TESMIN: variants seen among roughly 807,000 people sequenced by gnomAD.
The protein encoded by TESMIN is testis expressed metallothionein like protein, also known as CXC domain containing 2.
Under a neutral mutation model 47.4 loss-of-function variants are expected in TESMIN, and 34 were observed. The observed-to-expected ratio is 0.72, with a 90% confidence interval of 0.55 to 0.96. The LOEUF is 0.96. Among genes scored for constraint, TESMIN ranks in the 40% least tolerant of loss-of-function variants. The pLI, the probability that TESMIN is intolerant of heterozygous loss-of-function variation, is 0.00. For missense variants in TESMIN, 610 were observed against 637.2 expected, an observed-to-expected ratio of 0.96 and a Z score of 0.46; for synonymous variants, 278 against 258.9, an observed-to-expected ratio of 1.07 and a Z score of -0.71.
chr11:68,750,116 G>A (rs1177947584), intron 2 of TESMIN, 74 bp downstream of exon 2: 6 of 1,230,060 alleles, frequency 4.9e-6, no homozygotes, highest in Middle Eastern at 2.1e-4. Context: ...AAATCCTGGG[G>A]TACACTAGCA....
intron 6 of TESMIN, among the ~76,000 whole-genome samples, chr11:68,735,955 G>A (rs1946382324): frequency 6.6e-6 from 1 of 152,266 alleles, no homozygotes; most frequent in Non-Finnish European, 1.5e-5. Flanking sequence ...TCTGACTGCA[G>A]TGGACACTAA....
chr11:68,737,334 G>T (rs1314753094), intron 6 of TESMIN: 59 of 985,430 alleles, frequency 6.0e-5, no homozygotes, highest in Non-Finnish European at 6.7e-5. Context: ...ACAGCTGAAA[G>T]AGCCACTGCA....
intron 9 of TESMIN, 140 bp from the exon 10 acceptor site, chr11:68,708,640 T>C: frequency 1.2e-6 from 1 of 836,872 alleles, no homozygotes; most frequent in Non-Finnish European, 1.8e-6. Context: ...GTCTTCCTCA[T>C]ACTGGAAACT....
intron 2 of TESMIN, 123 bp downstream of exon 2, chr11:68,750,067 G>A: frequency 1.3e-6 from 1 of 756,014 alleles, no homozygotes; most frequent in Non-Finnish European, 2.0e-6. Flanking sequence ...ACTCCGGTGG[G>A]CTGTGTGTGG....
intron 6 of TESMIN, among the ~76,000 whole-genome samples, chr11:68,725,886 T>A (rs1025726305): frequency 3.3e-5 from 5 of 152,204 alleles, no homozygotes; most frequent in African/African-American, 1.2e-4. Flanking sequence ...AGATGGCTAC[T>A]TGAGCTGGTA....
rs986031675 is a variant in TESMIN, at chr11:68,747,790, G to A, written c.472-424C>T. On this transcript the variant is annotated intron_variant, in intron 2 of 9. Transcript: ENST00000255087. Reference sequence around the variant, plus strand: ...GTAGGACAACAAACATGAAATGGTGGAGAGTAGGGAGTGGCTGCCAGCTTT... The same window carrying A: ...GTAGGACAACAAACATGAAATGGTGAAGAGTAGGGAGTGGCTGCCAGCTTT... Among the ~76,000 whole-genome samples the A allele has an allele frequency of 1.4e-4, 22 of 152,286 alleles. No individual in the cohort carries two copies. In the East Asian group the frequency reaches 1.9e-3, roughly 13 times the overall value.
chr11:68,740,840 C>G (rs2153992637), intron 5 of TESMIN, among the ~76,000 whole-genome samples: 1 of 152,296 alleles, frequency 6.6e-6, no homozygotes, highest in South Asian at 2.1e-4. Context: ...CTTCCTCACT[C>G]TAAACTCCTA....
In TESMIN at chr11:68,750,556, C is replaced by A; in HGVS notation, c.105G>T (p.Leu35=). Residue 35 remains leucine (L), a synonymous_variant, in exon 2 of 10, where the codon CTG becomes CTT. Transcript: ENST00000255087. ...CCTCCTCGTACTTCACGGGGGCCTT[C>A]AGGCCGATGTTCTCCGAAGCGAACG... The part of the protein sequence containing the change: ...EGPFASENIG[L]KAPVKYEEDE... The A allele has an allele frequency of 6.2e-7, 1 of 1,607,674 alleles. No homozygotes were observed. The highest frequency in any genetic ancestry group is 8.5e-7 in the Non-Finnish European group (1 of 1,177,852).
Position 68,745,227 on chromosome 11 carries a change from G to C in TESMIN, c.631-116C>G, listed in dbSNP as rs1031600193. Reference sequence around the variant, plus strand: ...TTAATCCAGAAGTTACATTTTAATGGAAGATAGAAAACTATAGATCTGTTT... The same window carrying C: ...TTAATCCAGAAGTTACATTTTAATGCAAGATAGAAAACTATAGATCTGTTT... On this transcript the variant is annotated intron_variant, in intron 3 of 9. Coordinates refer to ENST00000255087, the MANE Select transcript of TESMIN (RefSeq NM_004923.3). 7.0e-5 allele frequency: 63 copies of C among 902,630 alleles called. No individual in the cohort carries two copies. In the African/African-American group the frequency reaches 1.2e-3, roughly 17 times the overall value. 55.9% of individuals were successfully genotyped at this position (902,630 alleles called of 1,614,324 possible). A position where few individuals can be genotyped will look rare whatever the true frequency, so the allele number is the denominator to read the frequency against.
downstream of TESMIN, among the ~76,000 whole-genome samples, chr11:68,706,964 C>T (rs552369584): frequency 5.9e-4 from 90 of 152,292 alleles, 4 homozygotes; most frequent in South Asian, 0.017. Flanking sequence ...CCAGGTGGCT[C>T]CCCCAGCAGT....
At chr11:68,734,867 C>T (rs996820157) in intron 6 of TESMIN, among the ~76,000 whole-genome samples, 4 of 152,234 alleles carry the variant, frequency 2.6e-5, no homozygotes, top group Non-Finnish European at 4.4e-5. Flanking sequence ...GGCTGGCTGT[C>T]GGGGCTGAGG....
chr11:68,736,357 G>A (rs551233786), intron 6 of TESMIN: 6 of 985,422 alleles, frequency 6.1e-6, no homozygotes, highest in South Asian at 9.4e-5. Flanking sequence ...GGGTCAGCTC[G>A]CACACTCAGC....
At chr11:68,742,172 C>T in intron 5 of TESMIN, 146 bp downstream of exon 5, 1 of 581,890 alleles carries the variant, frequency 1.7e-6, no homozygotes, top group Admixed American at 3.2e-5. Context: ...CACAGTGGGG[C>T]AGGGACTGAA....
Position 68,750,409 on chromosome 11 carries a change from CG to C in TESMIN, c.251del (p.Ala84GlyfsTer72). 1 of 1,525,282 alleles carries C rather than the reference CG, an allele frequency of 6.6e-7. No homozygotes were observed. The highest frequency in any genetic ancestry group is 8.8e-7 in the Non-Finnish European group (1 of 1,132,010). The allele number at this position is 1,525,282 out of a possible 1,614,324, so 94.5% of individuals were successfully genotyped here. ...GCTCCCCGCCGTCGCTGTCGCCCCC[CG>C]CGAGCTTCGCCTTGACCTGGCCCTT... ...DCKGQVKAKL[A>X]GGDSDGGELL... On this transcript the variant is annotated frameshift_variant, in exon 2 of 10. Coordinates refer to ENST00000255087, the MANE Select transcript of TESMIN (RefSeq NM_004923.3). LOFTEE classifies it high-confidence loss of function.
At chr11:68,738,069 C>T (rs997617606) in intron 6 of TESMIN, 15 of 985,538 alleles carry the variant, frequency 1.5e-5, no homozygotes, top group Non-Finnish European at 1.8e-5. Context: ...TAAATGTTAA[C>T]CTGATAATTT....
intron 4 of TESMIN, 71 bp downstream of exon 4, chr11:68,744,920 T>C (rs906939899): frequency 6.7e-6 from 9 of 1,345,552 alleles, no homozygotes; most frequent in Non-Finnish European, 8.0e-6. Context: ...TCACTTTATA[T>C]ACAAAGCCAA....
chr11:68,715,706 A>G (rs1290481395), intron 7 of TESMIN, 131 bp downstream of exon 7: 3 of 663,408 alleles, frequency 4.5e-6, no homozygotes, highest in Non-Finnish European at 7.6e-6. Context: ...GCAGGAATCA[A>G]GTTGTATTCA....
intron 6 of TESMIN, among the ~76,000 whole-genome samples, chr11:68,733,195 G>T (rs759557747): frequency 1.9e-4 from 29 of 152,300 alleles, no homozygotes; most frequent in Non-Finnish European, 1.3e-4. Context: ...CCGACTCCAC[G>T]TGACAATTGG....
intron 6 of TESMIN, chr11:68,736,379 C>A: frequency 1.0e-6 from 1 of 985,490 alleles, no homozygotes; most frequent in Non-Finnish European, 1.2e-6. Context: ...TGCTGGCCTC[C>A]AGCCTAAGCT....
Sources: allele counts gnomAD v4.1 joint callset (sites outside exome capture counted in the v4.1 genomes callset), GRCh38; gene constraint gnomAD v4.1.1; transcripts MANE v1.5; gene names NCBI Gene and HGNC (gene_info 2026-07-23, HGNC 2026-07-21).